PCSK2: variants seen among roughly 807,000 people sequenced by gnomAD.
PCSK2 encodes proprotein convertase subtilisin/kexin type 2, also known as neuroendocrine convertase 2.
PCSK2 carries 14 observed loss-of-function variants against 69.7 expected under a neutral mutation model. That is an observed-to-expected ratio of 0.20 (90% CI 0.13 to 0.31). The LOEUF is 0.31. Ranked by LOEUF, PCSK2 falls within the 10% of genes least tolerant of loss-of-function variation. PCSK2 has a pLI of 1.00. For synonymous variants in PCSK2, 307 were observed against 320.7 expected (o/e 0.96, Z 0.46); for missense variants, 544 against 842.5 (o/e 0.65, Z 4.39).
intron 2 of PCSK2, among the ~76,000 whole-genome samples, chr20:17,264,571 T>C (rs1987519429): frequency 6.6e-6 from 1 of 152,220 alleles, no homozygotes; most frequent in Non-Finnish European, 1.5e-5. Context: ...TAAGGGTCTA[T>C]TCTTGAATAT....
intron 2 of PCSK2, among the ~76,000 whole-genome samples, chr20:17,338,187 G>GTTTTTGT (rs1171212094): frequency 3.4e-5 from 5 of 147,714 alleles, no homozygotes; most frequent in Non-Finnish European, 7.5e-5. Context: ...GGGGGGTTGT[G>GTTTTTGT]TTTTTGTTTT....
At chr20:17,272,741 T>C (rs1050056552) in intron 2 of PCSK2, among the ~76,000 whole-genome samples, 38 of 152,158 alleles carry the variant, frequency 2.5e-4, no homozygotes, top group Non-Finnish European at 3.1e-4. Context: ...TAAAAGGAAA[T>C]TCTAAAGCAC....
chr20:17,320,337 G>A (rs907651612), intron 2 of PCSK2, among the ~76,000 whole-genome samples: 1 of 152,122 alleles, frequency 6.6e-6, no homozygotes, highest in African/African-American at 2.4e-5. Flanking sequence ...TCGTTCCCTT[G>A]GTCGCAAGAC....
At chr20:17,300,396 C>T (rs980496555) in intron 2 of PCSK2, among the ~76,000 whole-genome samples, 6 of 152,202 alleles carry the variant, frequency 3.9e-5, no homozygotes, top group Non-Finnish European at 1.5e-5. Context: ...TAGATGGGTT[C>T]CCCAGAGGTC....
At chr20:17,479,758 C>T (rs1257456979) in intron 11 of PCSK2, among the ~76,000 whole-genome samples, 2 of 143,138 alleles carry the variant, frequency 1.4e-5, no homozygotes, top group African/African-American at 5.1e-5. Flanking sequence ...GATGGCGCCA[C>T]TGCACTCCAG....
At chr20:17,301,077 TA>T (rs1423403012) in intron 2 of PCSK2, among the ~76,000 whole-genome samples, 1 of 152,186 alleles carries the variant, frequency 6.6e-6, no homozygotes, top group Non-Finnish European at 1.5e-5. Context: ...GTGTCGTTGT[TA>T]AAAAGCCTTC....
At chr20:17,465,962 C>T (rs550091626) in intron 11 of PCSK2, among the ~76,000 whole-genome samples, 2 of 152,298 alleles carry the variant, frequency 1.3e-5, no homozygotes, top group Admixed American at 6.5e-5. Context: ...AGCCACAATC[C>T]TCGGCCTGGA....
chr20:17,343,951 G>A (rs1990579642), intron 2 of PCSK2, among the ~76,000 whole-genome samples: 1 of 152,092 alleles, frequency 6.6e-6, no homozygotes, highest in African/African-American at 2.4e-5. Context: ...ATGAATTTGT[G>A]TTGTTTTAAG....
Position 17,234,039 on chromosome 20 carries a change from G to C in PCSK2, c.177+6557G>C, listed in dbSNP as rs186220288. On this transcript the variant is annotated intron_variant, in intron 1 of 11. Transcript: ENST00000262545. ...GTGAATTAGAAGACCTTATATGAGT[G>C]AGAAATAAACTGCTATTACATTAAG... 2.0e-5 allele frequency among the ~76,000 whole-genome samples: 3 copies of C among 152,282 alleles called. No homozygotes were observed. The East Asian group carries it at 5.8e-4, about 29-fold the overall frequency.
chr20:17,415,678 A>C (rs1226505206), intron 6 of PCSK2, among the ~76,000 whole-genome samples: 1 of 152,216 alleles, frequency 6.6e-6, no homozygotes, highest in Non-Finnish European at 1.5e-5. Flanking sequence ...TTGGAAAAAA[A>C]CTACTTTAAA....
intron 2 of PCSK2, among the ~76,000 whole-genome samples, chr20:17,348,345 A>G (rs1299350364): frequency 6.6e-6 from 1 of 152,224 alleles, no homozygotes; most frequent in East Asian, 1.9e-4. Flanking sequence ...GGTGTTTTGG[A>G]ACAAGGGAAG....
chr20:17,343,444 G>A (rs1990563839), intron 2 of PCSK2, among the ~76,000 whole-genome samples: 1 of 152,168 alleles, frequency 6.6e-6, no homozygotes, highest in Non-Finnish European at 1.5e-5. Context: ...CTTCATCCCT[G>A]CACAGATATC....
intron 6 of PCSK2, among the ~76,000 whole-genome samples, chr20:17,418,378 C>T (rs756519203): frequency 7.2e-5 from 11 of 151,886 alleles, no homozygotes; most frequent in Non-Finnish European, 1.5e-4. Flanking sequence ...CGAATGTATC[C>T]CAGGGCAAGG....
chr20:17,303,462 T>TTA (rs1568593385), intron 2 of PCSK2, among the ~76,000 whole-genome samples: 3,575 of 62,124 alleles, frequency 0.058, 182 homozygotes, highest in African/African-American at 0.072. Flanking sequence ...ATATTAAATA[T>TTA]AATATATATT....
At chr20:17,430,870 A>G (rs1459019063) in intron 7 of PCSK2, among the ~76,000 whole-genome samples, 1 of 152,222 alleles carries the variant, frequency 6.6e-6, no homozygotes, top group Non-Finnish European at 1.5e-5. Flanking sequence ...ACAAAGTAAA[A>G]TGACCACCTG....
intron 2 of PCSK2, among the ~76,000 whole-genome samples, chr20:17,292,721 A>T (rs1988739643): frequency 6.6e-6 from 1 of 151,952 alleles, no homozygotes; most frequent in Non-Finnish European, 1.5e-5. Context: ...GAATATCATC[A>T]TTTTCTTTAT....
intron 5 of PCSK2, among the ~76,000 whole-genome samples, chr20:17,408,498 A>G (rs2031800408): frequency 6.6e-6 from 1 of 152,244 alleles, no homozygotes; most frequent in African/African-American, 2.4e-5. Context: ...GCTGGATGAC[A>G]GAGAATAGTA....
At chr20:17,244,796 A>T (rs1220286532) in intron 1 of PCSK2, among the ~76,000 whole-genome samples, 1 of 152,202 alleles carries the variant, frequency 6.6e-6, no homozygotes, top group Non-Finnish European at 1.5e-5. Flanking sequence ...TTTCCTGAAG[A>T]TGTCACAGGT....
Position 17,453,675 on chromosome 20 carries a change from G to GCC in PCSK2, c.886-67_886-66insCC. The stretch of plus-strand genomic sequence containing the variant: ...CTGAAGAAGCCCAACCCCTGGGCTG[G>GCC]AGACCTCCCCTGCCCCCTCGCAGCC... On this transcript the variant is annotated intron_variant, in intron 8 of 11. Transcript: ENST00000262545. This position sits in a 1 kb window ranked among gnomAD's most constrained non-coding sequence, Gnocchi z 4.0. The GCC allele has an allele frequency of 1.1e-5, 18 of 1,580,086 alleles. No homozygotes were observed. The highest frequency in any genetic ancestry group is 1.5e-5 in the Non-Finnish European group (18 of 1,161,462).
Sources: allele counts gnomAD v4.1 joint callset (sites outside exome capture counted in the v4.1 genomes callset), GRCh38; gene constraint gnomAD v4.1.1; non-coding constraint Gnocchi (gnomAD v3.1); transcripts MANE v1.5; gene names NCBI Gene and HGNC (gene_info 2026-07-23, HGNC 2026-07-21).